SVIL: variants seen among roughly 807,000 people sequenced by gnomAD.
The protein encoded by SVIL is supervillin, also known as archvillin.
Under a neutral mutation model 240.4 loss-of-function variants are expected in SVIL, and 101 were observed. That is an observed-to-expected ratio of 0.42 (90% CI 0.36 to 0.50). The LOEUF is 0.50. Ranked by LOEUF, SVIL falls within the 20% of genes least tolerant of loss-of-function variation. The pLI is 0.01. For synonymous variants in SVIL, 999 were observed against 1,100.0 expected (o/e 0.91, Z 1.82); for missense variants, 2,512 against 2,818.7 (o/e 0.89, Z 2.46).
intron 24 of SVIL, among the ~76,000 whole-genome samples, chr10:29,486,945 A>G (rs578060165): frequency 6.6e-6 from 1 of 152,338 alleles, no homozygotes; most frequent in Admixed American, 6.5e-5. Flanking sequence ...CCCAGGACCT[A>G]AACACTGGGG....
intron 8 of SVIL, 139 bp from the exon 9 acceptor site, chr10:29,532,311 A>G (rs537836874): frequency 2.0e-4 from 246 of 1,253,190 alleles, no homozygotes; most frequent in Middle Eastern, 1.1e-3. Context: ...CATGCACGTA[A>G]GGAAGGAGAC....
In SVIL at chr10:29,646,418, CT is replaced by C. The variant is rs201714135; in HGVS notation, c.-201+11550del. Reference sequence around the variant, plus strand: ...GCTTGGCATCACTTTCACAAATCCGCTGCCCAGGGACCATGTGTTCACAAAG... The same window carrying C: ...GCTTGGCATCACTTTCACAAATCCGCGCCCAGGGACCATGTGTTCACAAAG... On this transcript the variant is annotated intron_variant, in intron 3 of 35. Transcript: ENST00000375400. Among the ~76,000 whole-genome samples, 1,092 of 152,332 alleles carry C rather than the reference CT, an allele frequency of 7.2e-3. 46 individuals are homozygous for C. The highest frequency in any genetic ancestry group is 0.067 in the Admixed American group (1,019 of 15,302).
chr10:29,640,172 C>G (rs2132978164), intron 3 of SVIL, among the ~76,000 whole-genome samples: 1 of 152,282 alleles, frequency 6.6e-6, no homozygotes, highest in Non-Finnish European at 1.5e-5. Context: ...TGCTTCCCAG[C>G]AAGTTTTGTC....
At chr10:29,534,744 T>C (rs1382101344) in intron 7 of SVIL, among the ~76,000 whole-genome samples, 1 of 152,252 alleles carries the variant, frequency 6.6e-6, no homozygotes. Flanking sequence ...TAAGCCTCAG[T>C]TGCTTTACCT....
chr10:29,551,227 G>A lies in SVIL; in HGVS notation c.197C>T (p.Ser66Phe). 6.2e-7 allele frequency: 1 copy of A among 1,606,646 alleles called. No individual in the cohort carries two copies. The highest frequency in any genetic ancestry group is 1.1e-5 in the South Asian group (1 of 90,016). Residue 66 changes from serine to phenylalanine, a missense_variant, in exon 6 of 38, where the codon TCT (serine) becomes TTT (phenylalanine). Physicochemically the swap from Ser to Phe is radical, Grantham distance 155 (BLOSUM62 -2). This residue lies in a region of SVIL where 1,443 missense variants were observed against 1,486.6 expected (regional missense o/e 0.97). Coordinates refer to ENST00000355867, the MANE Select transcript of SVIL (RefSeq NM_021738.3). Reference protein sequence around the residue: ...SNEEEETSDSSLEKQTRSKYC... With the variant: ...SNEEEETSDSFLEKQTRSKYC... ...TTTGGATCGAGTTTGCTTTTCTAGA[G>A]AAGAATCAGAAGTTTCCTCCTCTTC...
intron 17 of SVIL, among the ~76,000 whole-genome samples, chr10:29,507,532 C>T (rs1008815196): frequency 1.3e-5 from 2 of 151,016 alleles, no homozygotes; most frequent in African/African-American, 2.5e-5. Context: ...GACACACACA[C>T]TCACATTCTC....
At position 29,523,512 on chromosome 10, in the gene SVIL, C is replaced by G. The variant is rs1228550856; in HGVS notation, c.3102G>C (p.Arg1034Ser). 22 of 1,613,874 alleles carry G rather than the reference C, an allele frequency of 1.4e-5. No homozygotes were observed. The highest frequency in any genetic ancestry group is 1.8e-5 in the Non-Finnish European group (21 of 1,179,958). ...CCTCCACCTTCTCTTCAAAGGGCAG[C>G]CTGTCCCTCAAGTCCAAGTTTCCTT... ...NAQGNLDLRD[R>S]LPFEEKVEVE... The change falls in exon 15 of 38, where the codon AGG becomes AGC. Residue 1034 changes from arginine (R) to serine (S), a missense_variant. Around this residue, in one of 3 missense-constraint regions of SVIL, gnomAD observed 1,443 missense variants for 1,486.6 expected, o/e 0.97. Coordinates refer to ENST00000355867, the MANE Select transcript of SVIL (RefSeq NM_021738.3).
chr10:29,519,660 A>T (rs1441915779), intron 16 of SVIL, among the ~76,000 whole-genome samples: 1 of 152,250 alleles, frequency 6.6e-6, no homozygotes, highest in African/African-American at 2.4e-5. Flanking sequence ...GATCACTGGC[A>T]ATATATTTTG....
chr10:29,717,674 T>C (rs1963711826), intron 1 of SVIL, among the ~76,000 whole-genome samples: 1 of 152,236 alleles, frequency 6.6e-6, no homozygotes, highest in South Asian at 2.1e-4. Context: ...GAAACTGATA[T>C]TTTTTGTTTC....
intron 1 of SVIL, among the ~76,000 whole-genome samples, chr10:29,695,950 C>G (rs1346652159): frequency 7.2e-6 from 1 of 138,188 alleles, no homozygotes; most frequent in Non-Finnish European, 1.6e-5. Flanking sequence ...TCTCCCTCTC[C>G]CTCTCCCGTC....
At chr10:29,594,275 T>C (rs2132813738) in intron 1 of SVIL, among the ~76,000 whole-genome samples, 1 of 81,284 alleles carries the variant, frequency 1.2e-5, no homozygotes, top group Middle Eastern at 5.3e-3. Flanking sequence ...AAAAAAAAAT[T>C]CTAAGATCTG....
rs187550047 is a variant in SVIL, at chr10:29,625,017, T to C, written c.-201+9403A>G. 7.2e-5 allele frequency among the ~76,000 whole-genome samples: 11 copies of C among 152,234 alleles called. No individual in the cohort carries two copies. The East Asian group carries it at 1.7e-3, about 24-fold the overall frequency. On this transcript the variant is annotated intron_variant, in intron 1 of 37. Coordinates refer to ENST00000355867, the MANE Select transcript of SVIL (RefSeq NM_021738.3). ...GTAGGCAGAAGGCAGATCTAGCTTA[T>C]ATACAATCAGCTTCACCCAGTGATA... is the stretch of plus-strand genomic sequence containing the variant.
chr10:29,670,273 C>G (rs1195867737), intron 2 of SVIL, among the ~76,000 whole-genome samples: 1 of 152,204 alleles, frequency 6.6e-6, no homozygotes, highest in Admixed American at 6.5e-5. Flanking sequence ...TGACTATATA[C>G]ACCTAAGAAA....
At chr10:29,707,994 A>C (rs1348718147) in intron 1 of SVIL, among the ~76,000 whole-genome samples, 4 of 152,188 alleles carry the variant, frequency 2.6e-5, no homozygotes, top group South Asian at 2.1e-4. Flanking sequence ...GCGGTGGCTC[A>C]CGCCTGTAAT....
intron 1 of SVIL, among the ~76,000 whole-genome samples, chr10:29,626,968 G>A (rs1363661314): frequency 6.6e-6 from 1 of 152,138 alleles, no homozygotes; most frequent in African/African-American, 2.4e-5. Context: ...AGCTTGCAGT[G>A]AGCCGAGATT....
At chr10:29,458,367 G>A in intron 37 of SVIL, 34 bp from the exon 38 acceptor site, 1 of 1,610,896 alleles carries the variant, frequency 6.2e-7, no homozygotes, top group Non-Finnish European at 8.5e-7. Context: ...CCGCGGCTCA[G>A]TGAAAGGAGC....
At position 29,480,585 on chromosome 10, in the gene SVIL, C is replaced by T; in HGVS notation, c.5329G>A (p.Glu1777Lys). Residue 1777 changes from glutamate to lysine, a missense_variant, in exon 29 of 38, where the codon GAG becomes AAG. Physicochemically the swap from Glu to Lys is moderately conservative, Grantham distance 56 (BLOSUM62 1). Transcript: ENST00000355867. ...LPKQSIGQFH[E>K]GDAYVVKWKF... is the part of the protein sequence containing the mutation. ...CACTTGACCACATAGGCATCCCCCT[C>T]ATGGAACTGCCCGATGCTTTGTTTG... The T allele has an allele frequency of 3.7e-6, 6 of 1,614,052 alleles. No individual in the cohort carries two copies. The highest frequency in any genetic ancestry group is 1.3e-5 in the African/African-American group (1 of 75,042).
At chr10:29,471,800 T>C (rs1242033235) in intron 30 of SVIL, among the ~76,000 whole-genome samples, 1 of 152,218 alleles carries the variant, frequency 6.6e-6, no homozygotes, top group African/African-American at 2.4e-5. Context: ...AGGACACCTT[T>C]CCTTAAAGAG....
intron 1 of SVIL, among the ~76,000 whole-genome samples, chr10:29,692,640 A>G (rs1442322223): frequency 1.3e-5 from 2 of 149,486 alleles, no homozygotes; most frequent in Non-Finnish European, 3.0e-5. Flanking sequence ...TTATATGTAT[A>G]TATGATATAT....
Sources: gnomAD v4.1 joint callset for allele counts (sites outside exome capture counted in the v4.1 genomes callset) on GRCh38, gnomAD v4.1.1 for gene constraint, gnomAD v4.1.1 regional missense constraint, MANE v1.5 for transcripts, NCBI Gene and HGNC (gene_info 2026-07-23, HGNC 2026-07-21) for gene names.